GLMN: variants seen among roughly 807,000 people sequenced by gnomAD.
The protein encoded by GLMN is glomulin, FKBP associated protein, also known as glomulin.
Under a neutral mutation model 87.8 loss-of-function variants are expected in GLMN, and 75 were observed. That is an observed-to-expected ratio of 0.85 (90% CI 0.71 to 1.04). GLMN has a LOEUF of 1.04. GLMN is among the 50% of genes least tolerant of loss of function. The pLI is 0.00. For missense variants in GLMN, 588 were observed against 658.8 expected (o/e 0.89, Z 1.18); for synonymous variants, 206 against 221.6 (o/e 0.93, Z 0.63).
At chr1:92,328,661 G>T in the GLMN span, among the ~76,000 whole-genome samples, 2 of 152,150 alleles carry the variant, frequency 1.3e-5, no homozygotes, top group Non-Finnish European at 2.9e-5. Context: ...CTGAGATTTT[G>T]TCTTGGTTTG....
chr1:92,288,319 G>A (rs528164463), intron 6 of GLMN, among the ~76,000 whole-genome samples: 34 of 152,020 alleles, frequency 2.2e-4, no homozygotes, highest in Non-Finnish European at 4.0e-4. Context: ...CACTCACCCT[G>A]AGCTACATGT....
chr1:92,281,046 A>G (rs1647981233), intron 7 of GLMN, among the ~76,000 whole-genome samples: 1 of 152,230 alleles, frequency 6.6e-6, no homozygotes, highest in African/African-American at 2.4e-5. Context: ...AACACTCTTC[A>G]GGATATTATC....
At chr1:92,247,032 A>AAAAGG in intron 18 of GLMN, 30 bp downstream of exon 18, 1 of 1,172,920 alleles carries the variant, frequency 8.5e-7, no homozygotes, top group Non-Finnish European at 1.2e-6. Context: ...CTAAAGAAGA[A>AAAAGG]AAAGGAAAGA....
Position 92,283,705 on chromosome 1 carries a change from G to A in GLMN, c.735+2785C>T, listed in dbSNP as rs184137988. On this transcript the variant is annotated intron_variant, in intron 7 of 18. Coordinates refer to ENST00000370360, the MANE Select transcript of GLMN (RefSeq NM_053274.3). ...GTCTCTGTTTGCAGATGACATGATT[G>A]TATATTTAGAAAACCCCATCGTCTC... Among the ~76,000 whole-genome samples, 543 of 152,254 alleles carry A rather than the reference G, an allele frequency of 3.6e-3. 4 individuals are homozygous for A. The highest frequency in any genetic ancestry group is 0.013 in the African/African-American group (524 of 41,542).
intron 7 of GLMN, among the ~76,000 whole-genome samples, chr1:92,274,036 G>A (rs1656552226): frequency 6.6e-6 from 1 of 152,188 alleles, no homozygotes; most frequent in Non-Finnish European, 1.5e-5. Context: ...GCTGAGGCCT[G>A]TGAATCCCAA....
At chr1:92,296,262 A>T (rs1650037114) in intron 3 of GLMN, among the ~76,000 whole-genome samples, 1 of 151,862 alleles carries the variant, frequency 6.6e-6, no homozygotes. Flanking sequence ...TAGAAGGAAG[A>T]TGGTCTTTGT....
chr1:92,264,133 C>G (rs958964452), intron 14 of GLMN, among the ~76,000 whole-genome samples: 1 of 152,050 alleles, frequency 6.6e-6, no homozygotes, highest in African/African-American at 2.4e-5. Context: ...CTGGGCAACA[C>G]AGTGAAACTC....
the GLMN span, among the ~76,000 whole-genome samples, chr1:92,338,567 A>G: frequency 6.6e-6 from 1 of 152,156 alleles, no homozygotes; most frequent in East Asian, 1.9e-4. Flanking sequence ...TTCAGGATTT[A>G]CCAGGGAGTG....
At chr1:92,358,054 A>C in the GLMN span, among the ~76,000 whole-genome samples, 1 of 152,140 alleles carries the variant, frequency 6.6e-6, no homozygotes, top group Non-Finnish European at 1.5e-5. Context: ...GTAAGTTTTG[A>C]GTAGAATAAC....
At chr1:92,249,267 C>G (rs897013830) in intron 16 of GLMN, among the ~76,000 whole-genome samples, 1 of 108,400 alleles carries the variant, frequency 9.2e-6, no homozygotes, top group Non-Finnish European at 2.1e-5. Flanking sequence ...GATTACTATT[C>G]TTTTTTTTTT....
At chr1:92,260,763 T>TG (rs1430568256) in intron 16 of GLMN, among the ~76,000 whole-genome samples, 4 of 45,258 alleles carry the variant, frequency 8.8e-5, no homozygotes, top group Non-Finnish European at 7.5e-5. Flanking sequence ...CTCTTTGAGA[T>TG]GGAAAAAAAA....
intron 6 of GLMN, 47 bp from the exon 7 acceptor site, chr1:92,286,639 T>C (rs1648791216): frequency 1.1e-6 from 1 of 883,578 alleles, no homozygotes; most frequent in Non-Finnish European, 1.9e-6. Flanking sequence ...CTTCCAAGTA[T>C]AAAATCCCTA....
intron 7 of GLMN, among the ~76,000 whole-genome samples, chr1:92,283,116 A>T (rs1323096625): frequency 6.6e-6 from 1 of 152,198 alleles, no homozygotes; most frequent in Non-Finnish European, 1.5e-5. Context: ...AATCCTCCCT[A>T]ACTCATTTTA....
the GLMN span, among the ~76,000 whole-genome samples, chr1:92,346,613 T>C: frequency 2.0e-5 from 3 of 152,176 alleles, no homozygotes; most frequent in Non-Finnish European, 2.9e-5. Context: ...TTATTTTGTT[T>C]GTCAACATAC....
At chr1:92,330,749 G>A in the GLMN span, among the ~76,000 whole-genome samples, 1 of 152,120 alleles carries the variant, frequency 6.6e-6, no homozygotes. Flanking sequence ...ACCACGCCTG[G>A]CCTGTGGGTA....
rs1649426336 is a variant in GLMN at position 92,291,642 on chromosome 1, A to G, written c.166-105T>C. 3 of 1,117,634 alleles carry G rather than the reference A, an allele frequency of 2.7e-6. No individual in the cohort carries two copies. In the African/African-American group the frequency reaches 4.6e-5, roughly 17 times the overall value. The allele number at this position is 1,117,634 out of a possible 1,614,324, so 69.2% of individuals were successfully genotyped here. On this transcript the variant is annotated intron_variant, in intron 3 of 18. Transcript: ENST00000370360. ...TCAGAATTGTTTCTGAAATAGGAAG[A>G]TGAGACAAGTGAAGCCTATGACATT...
chr1:92,254,350 G>A (rs948065526), intron 16 of GLMN, among the ~76,000 whole-genome samples: 1 of 152,142 alleles, frequency 6.6e-6, no homozygotes, highest in African/African-American at 2.4e-5. Flanking sequence ...ACACTTCAGG[G>A]TATTATCCAG....
chr1:92,268,087 T>A lies in GLMN; in HGVS notation c.1008+18A>T, dbSNP rs1441616490. ...ACATAACTATGTATTTAAGTTATAATGGGAACAAACATCTTACCAATCCTT... is the reference window on the plus strand; with the variant it reads ...ACATAACTATGTATTTAAGTTATAAAGGGAACAAACATCTTACCAATCCTT... On this transcript the variant is annotated intron_variant, in intron 10 of 18. Transcript: ENST00000370360. 1 of 1,457,850 alleles carries A rather than the reference T, an allele frequency of 6.9e-7. No individual in the cohort carries two copies. Among genetic ancestry groups the A allele is most frequent in the African/African-American group, 1.4e-5 (1 of 71,930 alleles). 90.3% of individuals were successfully genotyped at this position (1,457,850 alleles called of 1,614,324 possible).
the GLMN span, among the ~76,000 whole-genome samples, chr1:92,310,660 G>A: frequency 9.9e-5 from 15 of 152,204 alleles, no homozygotes; most frequent in South Asian, 2.9e-3. Context: ...CATTTGGGAG[G>A]CCGAGACTGG....
Sources: allele counts gnomAD v4.1 joint callset (sites outside exome capture counted in the v4.1 genomes callset), GRCh38; gene constraint gnomAD v4.1.1; transcripts MANE v1.5; gene names NCBI Gene and HGNC (gene_info 2026-07-23, HGNC 2026-07-21).